The following TTLL7 variants were observed in gnomAD, a reference collection of about 807,000 sequenced individuals.
TTLL7 encodes tubulin polyglutamylase TTLL7.
A neutral mutation model predicts 120.2 loss-of-function variants in TTLL7; 53 were observed. The observed-to-expected ratio is 0.44, with a 90% CI of 0.35 to 0.55. The LOEUF (loss-of-function observed/expected upper bound fraction) is 0.55, where lower values mean the gene tolerates loss of function less well. Ranked by LOEUF, TTLL7 falls within the 20% of genes least tolerant of loss-of-function variation. The pLI is 0.00. For synonymous variants in TTLL7, 353 were observed against 351.7 expected (o/e 1.00, Z -0.04); for missense variants, 803 against 1,054.7 (o/e 0.76, Z 3.31).
rs151204861 is a variant in TTLL7, at chr1:83,957,039, T to C, written c.-176-4652A>G. On this transcript the variant is annotated intron_variant, in intron 1 of 20. Coordinates refer to ENST00000260505, the MANE Select transcript of TTLL7 (RefSeq NM_024686.6). ...TACCTTTATTTCATTTAAATGAAAGTATAATATGGTAGAAAGAGCACTGAA... is the reference window on the plus strand; with the variant it reads ...TACCTTTATTTCATTTAAATGAAAGCATAATATGGTAGAAAGAGCACTGAA... Among the ~76,000 whole-genome samples, 17 of 152,278 alleles carry C rather than the reference T, an allele frequency of 1.1e-4. 1 individual carries two copies. Among genetic ancestry groups the C allele is most frequent in the Admixed American group, 3.3e-4 (5 of 15,290 alleles).
chr1:83,941,290 T>TAG (rs1571254964), intron 7 of TTLL7, among the ~76,000 whole-genome samples: 1 of 152,340 alleles, frequency 6.6e-6, no homozygotes, highest in East Asian at 1.9e-4. Flanking sequence ...GCCTCCCCAC[T>TAG]AGACTGTTGC....
chr1:83,895,640 GA>G, intron 18 of TTLL7, among the ~76,000 whole-genome samples: 1 of 152,178 alleles, frequency 6.6e-6, no homozygotes, highest in Non-Finnish European at 1.5e-5. Context: ...TTTTGGTCGT[GA>G]AAACATTTTG....
intron 1 of TTLL7, among the ~76,000 whole-genome samples, chr1:83,991,063 G>A (rs1329338301): frequency 6.6e-6 from 1 of 152,180 alleles, no homozygotes; most frequent in Non-Finnish European, 1.5e-5. Flanking sequence ...TGAACTTGGA[G>A]GACATTATAT....
chr1:83,943,695 C>T (rs542323586), intron 6 of TTLL7, among the ~76,000 whole-genome samples: 1 of 152,228 alleles, frequency 6.6e-6, no homozygotes, highest in African/African-American at 2.4e-5. Flanking sequence ...TCTAGAATTG[C>T]TATAGTATAA....
intron 20 of TTLL7, among the ~76,000 whole-genome samples, chr1:83,879,474 C>G (rs1373837992): frequency 6.6e-6 from 1 of 151,946 alleles, no homozygotes; most frequent in Non-Finnish European, 1.5e-5. Flanking sequence ...TCTTTTCTTG[C>G]TCACCTGCCA....
chr1:83,892,361 T>TATATATACGAATATATATGA lies in TTLL7; in HGVS notation c.2209-1900_2209-1881dup, dbSNP rs1655610595. On this transcript the variant is annotated intron_variant, in intron 18 of 20. Coordinates refer to ENST00000260505, the MANE Select transcript of TTLL7 (RefSeq NM_024686.6). ...GAATATATATACGAATATATATGAA[T>TATATATACGAATATATATGA]ATATATACGAATATATATGAATATA... Among the ~76,000 whole-genome samples, 8 of 126,500 alleles carry TATATATACGAATATATATGA rather than the reference T, an allele frequency of 6.3e-5. No individual in the cohort carries two copies. In the East Asian group the frequency reaches 8.3e-4, roughly 13 times the overall value. The allele number at this position is 126,500 out of a possible 152,430, so 83.0% of individuals were successfully genotyped here.
intron 1 of TTLL7, among the ~76,000 whole-genome samples, chr1:83,997,898 T>G (rs1200229871): frequency 3.9e-5 from 6 of 152,224 alleles, no homozygotes; most frequent in Non-Finnish European, 5.9e-5. Context: ...CTATGTAGTG[T>G]TGTTCACATA....
intron 6 of TTLL7, among the ~76,000 whole-genome samples, chr1:83,943,821 A>G (rs1379840942): frequency 6.6e-6 from 1 of 152,228 alleles, no homozygotes; most frequent in Admixed American, 6.5e-5. Context: ...GGAAGCCCAG[A>G]CATTGGGTTT....
At chr1:83,935,631 T>C (rs1647313269) in intron 8 of TTLL7, among the ~76,000 whole-genome samples, 1 of 152,076 alleles carries the variant, frequency 6.6e-6, no homozygotes, top group African/African-American at 2.4e-5. Context: ...CAGAGCTCTG[T>C]TCTTCACGGA....
intron 1 of TTLL7, among the ~76,000 whole-genome samples, chr1:83,974,734 G>A (rs925814993): frequency 3.3e-5 from 5 of 151,880 alleles, no homozygotes; most frequent in East Asian, 1.9e-4. Context: ...AATTAGTATC[G>A]TTACATGTTT....
chr1:83,933,999 A>C (rs1325235808), intron 8 of TTLL7, among the ~76,000 whole-genome samples: 2 of 152,064 alleles, frequency 1.3e-5, no homozygotes, highest in Non-Finnish European at 2.9e-5. Context: ...AAGTCCTTTG[A>C]GTTAGCTGTT....
Position 83,929,184 on chromosome 1 carries a change from T to C in TTLL7, c.1094A>G (p.Asp365Gly). 1 of 1,612,876 alleles carries C rather than the reference T, an allele frequency of 6.2e-7. No homozygotes were observed. Among genetic ancestry groups the C allele is most frequent in the Non-Finnish European group, 8.5e-7 (1 of 1,179,182 alleles). The change falls in exon 10 of 21, where the codon GAT becomes GGT. Residue 365 changes from aspartate (D) to glycine (G), a missense_variant. By Grantham distance (94) the Asp-to-Gly change is moderately conservative (BLOSUM62 -1). Transcript: ENST00000260505. ...SFGTDQKIDY[D>G]VKRGVLLNAL... ...ATTTAGCAGCACTCCCCTTTTTACA[T>C]CATAGTCTATTTTCTGATCAGTTCC...
intron 1 of TTLL7, among the ~76,000 whole-genome samples, chr1:83,958,100 T>C (rs1396144329): frequency 6.6e-6 from 1 of 152,074 alleles, no homozygotes; most frequent in African/African-American, 2.4e-5. Context: ...AAGGATGGGG[T>C]TGATATCATC....
intron 18 of TTLL7, among the ~76,000 whole-genome samples, chr1:83,897,431 T>C (rs551303732): frequency 1.3e-5 from 2 of 152,196 alleles, no homozygotes; most frequent in African/African-American, 4.8e-5. Context: ...TTGTATAAAA[T>C]TGGCAATCAA....
Position 83,921,352 on chromosome 1 carries a change from C to T in TTLL7, c.1185G>A (p.Glu395=). 1 of 1,612,066 alleles carries T rather than the reference C, an allele frequency of 6.2e-7. No individual in the cohort carries two copies. Among genetic ancestry groups the T allele is most frequent in the Non-Finnish European group, 8.5e-7 (1 of 1,179,738 alleles). The change falls in exon 11 of 21, where the codon GAG becomes GAA. Residue 395 remains glutamate, a synonymous_variant. Transcript: ENST00000260505. ...TTTGACCATAGAGCCTCCTTTGAGC[C>T]TCAGCTTTTTGTTTGGCCAAGTTTC... The part of the protein sequence containing the change: ...KRRNLAKQKA[E]AQRRLYGQNS...
At chr1:83,892,753 A>AAC (rs201813070) in intron 18 of TTLL7, among the ~76,000 whole-genome samples, 9 of 145,128 alleles carry the variant, frequency 6.2e-5, no homozygotes, top group African/African-American at 2.1e-4. Flanking sequence ...CGCATATGTG[A>AAC]ACATATATAT....
chr1:83,951,712 T>C, intron 3 of TTLL7, 133 bp downstream of exon 3: 1 of 981,010 alleles, frequency 1.0e-6, no homozygotes, highest in Non-Finnish European at 1.5e-6. Flanking sequence ...ATGTTAGAAA[T>C]TTTATAGAAG....
chr1:83,981,503 G>A (rs1651948548), intron 1 of TTLL7: 2 of 151,742 alleles, frequency 1.3e-5, no homozygotes, highest in South Asian at 2.1e-4. Flanking sequence ...AAATACACAA[G>A]GCAAAAACTA....
Position 83,911,348 on chromosome 1 carries a change from G to T in TTLL7, c.1603C>A (p.Pro535Thr). Residue 535 changes from proline (P) to threonine (T), a missense_variant, in exon 15 of 21, where the codon CCT becomes ACT. Pro to Thr is a conservative substitution (Grantham distance 38). Transcript: ENST00000260505. ...TRGPKPLCSMPESTEIMKRPK... is the reference protein window; with the variant it reads ...TRGPKPLCSMTESTEIMKRPK... The stretch of plus-strand genomic sequence containing the variant: ...CTTTTCATTATCTCAGTACTCTCAG[G>T]CATAGAACACAGAGGCTAAAAAAGA... 1 of 1,611,832 alleles carries T rather than the reference G, an allele frequency of 6.2e-7. No homozygotes were observed. Among genetic ancestry groups the T allele is most frequent in the South Asian group, 1.1e-5 (1 of 90,622 alleles).
Sources: gnomAD v4.1 joint callset for allele counts (sites outside exome capture counted in the v4.1 genomes callset) on GRCh38, gnomAD v4.1.1 for gene constraint, MANE v1.5 for transcripts, NCBI Gene and HGNC (gene_info 2026-07-23, HGNC 2026-07-21) for gene names.